Variants in DENND5B observed in about 807,000 individuals in gnomAD.
The protein encoded by DENND5B is DENN domain-containing protein 5B.
A neutral mutation model predicts 140.6 loss-of-function variants in DENND5B; 34 were observed. The ratio of observed to expected loss-of-function variants is 0.24; its 90% CI spans 0.18 to 0.32. DENND5B has a LOEUF of 0.32. Among genes scored for constraint, DENND5B ranks in the 10% least tolerant of loss-of-function variants. The pLI is 1.00. For synonymous variants in DENND5B, 551 were observed against 562.1 expected, an observed-to-expected ratio of 0.98 and a Z score of 0.28; for missense variants, 1,142 against 1,560.2, an observed-to-expected ratio of 0.73 and a Z score of 4.52.
At chr12:31,463,020 T>C (rs535803115) in intron 3 of DENND5B, among the ~76,000 whole-genome samples, 26 of 152,228 alleles carry the variant, frequency 1.7e-4, no homozygotes, top group Middle Eastern at 3.4e-3. Flanking sequence ...CCCAGCACTT[T>C]GGGAGGCCAA....
intron 13 of DENND5B, among the ~76,000 whole-genome samples, chr12:31,412,326 C>T (rs767735721): frequency 1.3e-5 from 2 of 152,176 alleles, no homozygotes; most frequent in African/African-American, 4.8e-5. Flanking sequence ...ACTGGTTTCC[C>T]GGCTCTAAAC....
chr12:31,551,799 C>T (rs1226630908), intron 1 of DENND5B, among the ~76,000 whole-genome samples: 1 of 152,152 alleles, frequency 6.6e-6, no homozygotes, highest in African/African-American at 2.4e-5. Flanking sequence ...AAGTTGGATT[C>T]CTAGGTATTT....
At chr12:31,418,388 T>G (rs1487517623) in intron 11 of DENND5B, among the ~76,000 whole-genome samples, 1 of 149,350 alleles carries the variant, frequency 6.7e-6, no homozygotes, top group Admixed American at 6.7e-5. Flanking sequence ...TAAGCGATCC[T>G]CCAACCTCAG....
rs1056229759 is a variant in DENND5B at position 31,443,044 on chromosome 12, T to A, written c.1862-119A>T. ...TCACTCTGACACTCTGAAACAGATA[T>A]TGTGTGTGTGTGTGTGTGTGCACGC... On this transcript the variant is annotated intron_variant, in intron 6 of 20. Coordinates refer to ENST00000389082, the MANE Select transcript of DENND5B (RefSeq NM_144973.4). 10 of 506,180 alleles carry A rather than the reference T, an allele frequency of 2.0e-5. No homozygotes were observed. In the Admixed American group the frequency reaches 2.1e-4, roughly 11 times the overall value. 31.4% of individuals were successfully genotyped at this position (506,180 alleles called of 1,614,324 possible). A position where few individuals can be genotyped will look rare whatever the true frequency, so the allele number is the denominator to read the frequency against.
chr12:31,407,513 G>A (rs66552209), intron 14 of DENND5B, among the ~76,000 whole-genome samples: 20,219 of 152,236 alleles, frequency 0.13, 1,608 homozygotes, highest in Non-Finnish European at 0.18. Context: ...GGCATTACAG[G>A]ATGGCCTAAT....
At chr12:31,432,122 G>T (rs1943535851) in intron 8 of DENND5B, 1 of 985,148 alleles carries the variant, frequency 1.0e-6, no homozygotes, top group Non-Finnish European at 1.2e-6. Flanking sequence ...GAATGCCATG[G>T]AGTTCTGACA....
At chr12:31,575,556 T>C (rs887425131) in intron 1 of DENND5B, among the ~76,000 whole-genome samples, 2 of 152,184 alleles carry the variant, frequency 1.3e-5, no homozygotes, top group East Asian at 3.9e-4. Context: ...GACTAGCAGA[T>C]TGTCCCTGTT....
At chr12:31,446,387 G>A (rs1944276845) in intron 6 of DENND5B, among the ~76,000 whole-genome samples, 3 of 152,152 alleles carry the variant, frequency 2.0e-5, no homozygotes, top group Admixed American at 2.0e-4. Context: ...GACCTCAAGT[G>A]ATCCGCTGGC....
chr12:31,509,174 A>T (rs1294257051), intron 1 of DENND5B, among the ~76,000 whole-genome samples: 2 of 152,026 alleles, frequency 1.3e-5, no homozygotes, highest in Non-Finnish European at 2.9e-5. Flanking sequence ...ACTATCCACC[A>T]AGAATCTCCA....
chr12:31,447,378 A>T (rs1016167273), intron 6 of DENND5B, among the ~76,000 whole-genome samples, 160 bp downstream of exon 6: 11 of 152,312 alleles, frequency 7.2e-5, no homozygotes, highest in South Asian at 2.1e-4. Context: ...TAGGAGTAGG[A>T]CTCAGAAAGA....
intron 7 of DENND5B, among the ~76,000 whole-genome samples, chr12:31,433,792 C>T (rs1237885869): frequency 6.6e-6 from 1 of 152,032 alleles, no homozygotes; most frequent in East Asian, 1.9e-4. Flanking sequence ...AGCACTTTGG[C>T]CGGATCACTT....
chr12:31,509,101 G>C (rs898396018), intron 1 of DENND5B, among the ~76,000 whole-genome samples: 2 of 151,980 alleles, frequency 1.3e-5, no homozygotes, highest in Non-Finnish European at 2.9e-5. Context: ...CCCTCCATCA[G>C]AAAAACATAA....
At chr12:31,409,635 C>T (rs1045508582) in intron 13 of DENND5B, among the ~76,000 whole-genome samples, 2 of 151,846 alleles carry the variant, frequency 1.3e-5, no homozygotes, top group Non-Finnish European at 2.9e-5. Context: ...TGTGCCACCA[C>T]GCCAGGCTAA....
At chr12:31,472,691 A>C (rs1945617613) in intron 3 of DENND5B, among the ~76,000 whole-genome samples, 1 of 152,128 alleles carries the variant, frequency 6.6e-6, no homozygotes, top group Admixed American at 6.6e-5. Flanking sequence ...AATCTGCTCT[A>C]TTTGCCCCAG....
intron 3 of DENND5B, chr12:31,465,335 G>A (rs999779768): frequency 6.6e-6 from 1 of 152,412 alleles, no homozygotes; most frequent in Non-Finnish European, 1.5e-5. Flanking sequence ...TGTAGCTGGA[G>A]GATTATACAC....
At position 31,476,401 on chromosome 12, in the gene DENND5B, C is replaced by T. The variant is rs555033706; in HGVS notation, c.904+3188G>A. On this transcript the variant is annotated intron_variant, in intron 3 of 20. Transcript: ENST00000389082. The stretch of plus-strand genomic sequence containing the variant: ...TAATTATTATAATAGCATCAGCTAT[C>T]ATTTAGTCAGTGTCAATTATACCCT... Among the ~76,000 whole-genome samples the T allele has an allele frequency of 2.0e-5, 3 of 150,700 alleles. No individual in the cohort carries two copies. In the East Asian group the frequency reaches 5.8e-4, roughly 29 times the overall value.
At position 31,424,583 on chromosome 12, in the gene DENND5B, A is replaced by G; in HGVS notation, c.2343T>C (p.Leu781=). 2 of 1,613,930 alleles carry G rather than the reference A, an allele frequency of 1.2e-6. No homozygotes were observed. The highest frequency in any genetic ancestry group is 1.7e-6 in the Non-Finnish European group (2 of 1,179,878). ...TCCATATCCTCTCCAGCAGGTCACA[A>G]AGGCTGGCGATCAAGGTGTTCTCCT... ...GLEENTLIAS[L]CDLLERIWSH... is the part of the protein sequence containing the mutation. Residue 781 remains leucine, a synonymous_variant, in exon 10 of 21, where the codon CTT becomes CTC. Transcript: ENST00000389082.
Position 31,433,247 on chromosome 12 carries a change from G to A in DENND5B, c.2014C>T (p.Arg672Cys), listed in dbSNP as rs1179746239. ...GCAGTGGCACTCCGACTTACCCAGCGACTGAAACAATCAAATTATTTAAAA... is the reference window on the plus strand; with the variant it reads ...GCAGTGGCACTCCGACTTACCCAGCAACTGAAACAATCAAATTATTTAAAA... Reference protein sequence around the residue: ...VLATGPTSNNRWVSRSATAQR... With the variant: ...VLATGPTSNNCWVSRSATAQR... Residue 672 changes from arginine to cysteine, a missense_variant and splice_region_variant, in exon 8 of 21, where the codon CGC becomes TGC. By Grantham distance (180) the Arg-to-Cys change is radical. Transcript: ENST00000389082. The A allele has an allele frequency of 3.1e-6, 5 of 1,607,042 alleles. No homozygotes were observed. The highest frequency in any genetic ancestry group is 1.7e-5 in the Admixed American group (1 of 58,280).
intron 5 of DENND5B, among the ~76,000 whole-genome samples, chr12:31,448,556 G>A (rs1019301223): frequency 1.3e-5 from 2 of 152,188 alleles, no homozygotes; most frequent in African/African-American, 4.8e-5. Context: ...AAAAGACATG[G>A]AATTTATGCT....
Sources: allele counts gnomAD v4.1 joint callset (sites outside exome capture counted in the v4.1 genomes callset), GRCh38; gene constraint gnomAD v4.1.1; transcripts MANE v1.5; gene names NCBI Gene and HGNC (gene_info 2026-07-23, HGNC 2026-07-21).